The following JARID2 variants were observed in gnomAD, a reference collection of about 807,000 sequenced individuals.
JARID2 encodes the protein jumonji and AT-rich interaction domain containing 2, also known as protein Jumonji.
JARID2 carries 21 observed loss-of-function variants against 125.6 expected under a neutral mutation model. That is an observed-to-expected ratio of 0.17 (90% CI 0.12 to 0.24). The LOEUF is 0.24. Ranked by LOEUF, JARID2 falls within the 10% of genes least tolerant of loss-of-function variation. JARID2 has a pLI of 1.00. For missense variants in JARID2, 1,303 were observed against 1,639.6 expected, an observed-to-expected ratio of 0.79 and a Z score of 3.55; for synonymous variants, 736 against 661.6, an observed-to-expected ratio of 1.11 and a Z score of -1.73.
chr6:15,424,354 C>T (rs1766631848), intron 3 of JARID2, among the ~76,000 whole-genome samples: 1 of 152,204 alleles, frequency 6.6e-6, no homozygotes, highest in South Asian at 2.1e-4. Context: ...CCTCCACAAT[C>T]CTCCAAATGT....
At chr6:15,508,879 A>C in intron 12 of JARID2, 1 of 1,028,138 alleles carries the variant, frequency 9.7e-7, no homozygotes, top group Non-Finnish European at 1.3e-6. Flanking sequence ...AGTGCCACAC[A>C]AAGCTAACCA....
intron 8 of JARID2, 121 bp downstream of exon 8, chr6:15,501,530 C>A (rs533852212): frequency 2.0e-5 from 16 of 802,148 alleles, no homozygotes; most frequent in Non-Finnish European, 3.0e-5. Flanking sequence ...GATGAGGGGG[C>A]GGGCCACTGT....
At position 15,424,939 on chromosome 6, in the gene JARID2, GT is replaced by G. The variant is rs1465982967; in HGVS notation, c.323+14578del. ...TTATGATGTGCTGTCCACTTCCACTGTTTTACATTCCTTACATATGTTAGCC... is the reference window on the plus strand; with the variant it reads ...TTATGATGTGCTGTCCACTTCCACTGTTTACATTCCTTACATATGTTAGCC... On this transcript the variant is annotated intron_variant, in intron 3 of 17. Transcript: ENST00000341776. Among the ~76,000 whole-genome samples, 3 of 152,164 alleles carry G rather than the reference GT, an allele frequency of 2.0e-5. No individual in the cohort carries two copies. In the East Asian group the frequency reaches 5.8e-4, roughly 29 times the overall value.
At chr6:15,338,611 G>A (rs967982893) in intron 1 of JARID2, among the ~76,000 whole-genome samples, 1 of 152,160 alleles carries the variant, frequency 6.6e-6, no homozygotes, top group African/African-American at 2.4e-5. Context: ...AAGGCTGCAA[G>A]GGGCAAGCCC....
At chr6:15,503,151 C>T (rs75088880) in intron 8 of JARID2, among the ~76,000 whole-genome samples, 14 of 152,344 alleles carry the variant, frequency 9.2e-5, no homozygotes, top group East Asian at 3.9e-4. Flanking sequence ...CCCCAGCAGC[C>T]GTGTGCCCAC....
At chr6:15,354,535 ACT>A (rs1053297697) in intron 1 of JARID2, among the ~76,000 whole-genome samples, 1 of 152,164 alleles carries the variant, frequency 6.6e-6, no homozygotes, top group African/African-American at 2.4e-5. Flanking sequence ...CTTAAGTAAC[ACT>A]CAGTGTCAGG....
chr6:15,279,668 A>T (rs77360865), intron 1 of JARID2, among the ~76,000 whole-genome samples: 9,049 of 152,148 alleles, frequency 0.059, 345 homozygotes, highest in Non-Finnish European at 0.092. Context: ...CACCATTATT[A>T]ATTTGTACTT....
chr6:15,463,788 A>G (rs1768577891), intron 4 of JARID2, among the ~76,000 whole-genome samples: 1 of 152,128 alleles, frequency 6.6e-6, no homozygotes, highest in Non-Finnish European at 1.5e-5. Context: ...TCAGCACAAT[A>G]TAATTACGTA....
intron 12 of JARID2, chr6:15,509,303 GCTGA>G (rs1001786134): frequency 1.0e-6 from 1 of 985,144 alleles, no homozygotes; most frequent in African/African-American, 1.7e-5. Context: ...TTCATGCCAT[GCTGA>G]CTGTGTTTAT....
chr6:15,336,732 A>G (rs1762891542), intron 1 of JARID2, among the ~76,000 whole-genome samples: 1 of 151,462 alleles, frequency 6.6e-6, no homozygotes, highest in African/African-American at 2.4e-5. Context: ...TTTAAAATTT[A>G]AGAGATGAGG....
chr6:15,432,013 G>C lies in JARID2; in HGVS notation c.324-19993G>C, dbSNP rs79948743. 2.9e-3 allele frequency among the ~76,000 whole-genome samples: 434 copies of C among 152,134 alleles called. 18 individuals carry two copies. In the East Asian group the frequency reaches 0.078, roughly 27 times the overall value. ...TTTTGCTAAGCCACTGAGACCCACA[G>C]TTCAGCTGGTACCAGTGTGTTACCG... On this transcript the variant is annotated intron_variant, in intron 3 of 17. Transcript: ENST00000341776.
chr6:15,400,970 G>A, intron 2 of JARID2: 2 of 1,289,464 alleles, frequency 1.6e-6, no homozygotes, highest in Admixed American at 2.3e-5. Context: ...CCACGGGTCT[G>A]TCAGGTGCAG....
At chr6:15,444,065 G>A (rs753778148) in intron 3 of JARID2, among the ~76,000 whole-genome samples, 1 of 152,284 alleles carries the variant, frequency 6.6e-6, no homozygotes, top group East Asian at 1.9e-4. Flanking sequence ...TAAACAAAGT[G>A]TTCCATCAGT....
At chr6:15,282,746 C>A (rs2127379174) in intron 1 of JARID2, among the ~76,000 whole-genome samples, 1 of 152,176 alleles carries the variant, frequency 6.6e-6, no homozygotes, top group South Asian at 2.1e-4. Context: ...AGATTACAGG[C>A]ATGCGCCACC....
chr6:15,463,556 T>C (rs1175681174), intron 4 of JARID2, among the ~76,000 whole-genome samples: 1 of 151,418 alleles, frequency 6.6e-6, no homozygotes, highest in African/African-American at 2.4e-5. Context: ...TCAGCCTCCC[T>C]AGTAGCTGGG....
rs148244630 is a variant in JARID2, at chr6:15,404,199, T to G, written c.182-6025T>G. On this transcript the variant is annotated intron_variant, in intron 2 of 17. Transcript: ENST00000341776. ...AGCCTGGGCTGTGCTCTGCAGACCC[T>G]GTGCCCTGCTCGCCCCTCTCCCTGG... is the stretch of plus-strand genomic sequence containing the variant. 1.8e-4 allele frequency among the ~76,000 whole-genome samples: 28 copies of G among 152,276 alleles called. No homozygotes were observed. In the East Asian group the frequency reaches 5.2e-3, roughly 28 times the overall value.
intron 1 of JARID2, among the ~76,000 whole-genome samples, chr6:15,316,503 T>C (rs1762184223): frequency 6.6e-6 from 1 of 152,110 alleles, no homozygotes; most frequent in African/African-American, 2.4e-5. Context: ...TCCTTATGCT[T>C]GTGCTGGTTA....
At chr6:15,410,420 G>A in intron 3 of JARID2, 55 bp downstream of exon 3, 1 of 1,568,544 alleles carries the variant, frequency 6.4e-7, no homozygotes. Context: ...TGCAAACTCA[G>A]GTGCCAGTTT....
At chr6:15,464,580 C>G (rs1446381223) in intron 4 of JARID2, among the ~76,000 whole-genome samples, 2 of 152,090 alleles carry the variant, frequency 1.3e-5, no homozygotes, top group Non-Finnish European at 2.9e-5. Flanking sequence ...GTGGGGTACC[C>G]CCCAGTGAGA....
Sources: gnomAD v4.1 joint callset for allele counts (sites outside exome capture counted in the v4.1 genomes callset) on GRCh38, gnomAD v4.1.1 for gene constraint, MANE v1.5 for transcripts, NCBI Gene and HGNC (gene_info 2026-07-23, HGNC 2026-07-21) for gene names.